PDE10A: variants seen among roughly 807,000 people sequenced by gnomAD.
PDE10A encodes the protein phosphodiesterase 10A.
A neutral mutation model predicts 97.7 loss-of-function variants in PDE10A; 39 were observed. That is an observed-to-expected ratio of 0.40 (90% CI 0.31 to 0.52). The LOEUF is 0.52. Among genes scored for constraint, PDE10A ranks in the 20% least tolerant of loss-of-function variants. The pLI is 0.56. For missense variants in PDE10A, 731 were observed against 1,047.8 expected, an observed-to-expected ratio of 0.70 and a Z score of 4.17; for synonymous variants, 371 against 376.8, an observed-to-expected ratio of 0.98 and a Z score of 0.18.
chr6:165,334,944 C>T (rs1384145730), intron 21 of PDE10A, among the ~76,000 whole-genome samples: 2 of 152,232 alleles, frequency 1.3e-5, no homozygotes, highest in Non-Finnish European at 2.9e-5. Flanking sequence ...TTGTGTAAAA[C>T]TCTCTGGCCA....
At chr6:165,838,296 A>G (rs1228307052) in intron 1 of PDE10A, among the ~76,000 whole-genome samples, 2 of 152,250 alleles carry the variant, frequency 1.3e-5, no homozygotes, top group Non-Finnish European at 2.9e-5. Context: ...GAAGCCGGGA[A>G]ATAATACATA....
At chr6:165,854,438 G>A (rs1306815857) in intron 1 of PDE10A, among the ~76,000 whole-genome samples, 1 of 152,164 alleles carries the variant, frequency 6.6e-6, no homozygotes, top group Admixed American at 6.5e-5. Flanking sequence ...GCCGCAAGAC[G>A]TTCGCAGGCT....
At chr6:165,585,800 T>C (rs1390248798) in intron 1 of PDE10A, among the ~76,000 whole-genome samples, 1 of 152,152 alleles carries the variant, frequency 6.6e-6, no homozygotes, top group South Asian at 2.1e-4. Flanking sequence ...TAAAACATAG[T>C]AAGAAAAGAA....
chr6:165,392,522 A>T, intron 16 of PDE10A, 124 bp downstream of exon 16: 2 of 845,278 alleles, frequency 2.4e-6, no homozygotes, highest in Admixed American at 2.2e-5. Flanking sequence ...GCTACTATTG[A>T]TTTATTAAGC....
chr6:165,349,996 C>G (rs955975974), intron 18 of PDE10A, among the ~76,000 whole-genome samples: 3 of 152,222 alleles, frequency 2.0e-5, no homozygotes, highest in African/African-American at 7.2e-5. Flanking sequence ...CATGGAGAAC[C>G]CTGCTAGGGC....
intron 1 of PDE10A, among the ~76,000 whole-genome samples, chr6:165,591,715 G>C (rs1303080168): frequency 6.6e-6 from 1 of 152,132 alleles, no homozygotes; most frequent in African/African-American, 2.4e-5. Context: ...AGTTAAATTA[G>C]CTATTGAATG....
intron 3 of PDE10A, among the ~76,000 whole-genome samples, chr6:165,457,336 C>T (rs1244977503): frequency 1.6e-5 from 2 of 121,462 alleles, no homozygotes; most frequent in Non-Finnish European, 3.5e-5. Context: ...GTTAAAATTC[C>T]AAAGTAGAGT....
chr6:165,525,257 T>C (rs1223692895), intron 2 of PDE10A, among the ~76,000 whole-genome samples: 1 of 152,210 alleles, frequency 6.6e-6, no homozygotes, highest in African/African-American at 2.4e-5. Flanking sequence ...ATTAAGGGTA[T>C]GGGATAATGG....
intron 1 of PDE10A, chr6:165,986,015 G>A (rs568777712): frequency 6.5e-6 from 1 of 152,814 alleles, no homozygotes; most frequent in African/African-American, 2.4e-5. Context: ...GATGAAGCGT[G>A]GCGAGGGCAT....
intron 1 of PDE10A, among the ~76,000 whole-genome samples, chr6:165,822,197 CCT>C (rs941431547): frequency 6.6e-6 from 1 of 152,154 alleles, no homozygotes; most frequent in African/African-American, 2.4e-5. Flanking sequence ...TTTACACACA[CCT>C]GGATGGCACA....
chr6:165,900,402 G>A (rs1203292031), intron 1 of PDE10A, among the ~76,000 whole-genome samples: 2 of 152,084 alleles, frequency 1.3e-5, no homozygotes, highest in East Asian at 3.9e-4. Flanking sequence ...AACCCAGGAG[G>A]TGGAGGTTGC....
intron 1 of PDE10A, among the ~76,000 whole-genome samples, chr6:165,951,807 C>T (rs1263604518): frequency 1.3e-5 from 2 of 152,218 alleles, no homozygotes; most frequent in African/African-American, 2.4e-5. Flanking sequence ...TGACCTGGCT[C>T]TTTTAATACA....
chr6:165,437,032 G>C (rs1042654269), intron 5 of PDE10A, among the ~76,000 whole-genome samples: 1 of 151,280 alleles, frequency 6.6e-6, no homozygotes, highest in African/African-American at 2.5e-5. Flanking sequence ...TCCCTTTTCT[G>C]TACCAAAGAC....
chr6:165,596,522 A>C (rs1250963828), intron 1 of PDE10A, among the ~76,000 whole-genome samples: 1 of 152,230 alleles, frequency 6.6e-6, no homozygotes, highest in East Asian at 1.9e-4. Context: ...TGAGTCCAGC[A>C]GTTCCAGACC....
chr6:165,334,413 C>T lies in PDE10A; in HGVS notation c.3066-1286G>A, dbSNP rs111503063. Among the ~76,000 whole-genome samples, 7 of 151,716 alleles carry T rather than the reference C, an allele frequency of 4.6e-5. No individual in the cohort carries two copies. In the East Asian group the frequency reaches 5.8e-4, roughly 13 times the overall value. On this transcript the variant is annotated intron_variant, in intron 21 of 21. Transcript: ENST00000539869. Reference sequence around the variant, plus strand: ...CACGCGCCTCCATAGCGCCCTACAGCGCCGGGCACGCGCCTCTATAGCGCC... The same window carrying T: ...CACGCGCCTCCATAGCGCCCTACAGTGCCGGGCACGCGCCTCTATAGCGCC...
chr6:165,510,567 T>C (rs1241099531), intron 2 of PDE10A, among the ~76,000 whole-genome samples: 1 of 152,032 alleles, frequency 6.6e-6, no homozygotes, highest in Non-Finnish European at 1.5e-5. Flanking sequence ...TGGGGAGAAC[T>C]CCCTCCTCTT....
intron 1 of PDE10A, among the ~76,000 whole-genome samples, chr6:165,973,625 T>C (rs1396198262): frequency 6.6e-6 from 1 of 150,956 alleles, no homozygotes; most frequent in Non-Finnish European, 1.5e-5. Flanking sequence ...AGTCTGAAGA[T>C]GGCTGTGATC....
At chr6:165,585,863 T>G (rs1248772470) in intron 1 of PDE10A, among the ~76,000 whole-genome samples, 2 of 152,112 alleles carry the variant, frequency 1.3e-5, no homozygotes, top group East Asian at 1.9e-4. Flanking sequence ...CACAGAGGCA[T>G]GAGAGTGAGG....
At chr6:165,885,319 C>T (rs912174057) in intron 1 of PDE10A, among the ~76,000 whole-genome samples, 7 of 152,078 alleles carry the variant, frequency 4.6e-5, no homozygotes, top group Admixed American at 3.9e-4. Flanking sequence ...AAGTGGGCAC[C>T]TTCTTCACAA....
Sources: allele counts gnomAD v4.1 joint callset (sites outside exome capture counted in the v4.1 genomes callset), GRCh38; gene constraint gnomAD v4.1.1; transcripts MANE v1.5; gene names NCBI Gene and HGNC (gene_info 2026-07-23, HGNC 2026-07-21).